CFTR: variants seen among roughly 807,000 people sequenced by gnomAD.
CFTR encodes the protein CF transmembrane conductance regulator, also known as cystic fibrosis transmembrane conductance regulator.
Under a neutral mutation model 171.6 loss-of-function variants are expected in CFTR, and 181 were observed. The observed-to-expected ratio is 1.05, with a 90% confidence interval of 0.93 to 1.19. CFTR has a LOEUF of 1.19. Ranked by LOEUF, CFTR falls within the 50% of genes most tolerant of loss-of-function variation. The probability of loss-of-function intolerance (pLI) is 0.00; values close to 1 mark genes in which losing one functional copy is unlikely to be tolerated. For missense variants in CFTR, 1,968 were observed against 1,734.7 expected (o/e 1.13, Z -2.39); for synonymous variants, 583 against 608.0 (o/e 0.96, Z 0.60).
At chr7:117,626,159 TC>T (rs1425211768) in intron 21 of CFTR, among the ~76,000 whole-genome samples, 1 of 152,048 alleles carries the variant, frequency 6.6e-6, no homozygotes, top group Non-Finnish European at 1.5e-5. Flanking sequence ...AAAAAGAACT[TC>T]ACAAACAGTG....
Position 117,603,527 on chromosome 7 carries a change from T to C in CFTR, c.2658-5T>C. On this transcript the variant is annotated splice_region_variant and splice_polypyrimidine_tract_variant and intron_variant, in intron 16 of 26. Transcript: ENST00000003084. ...CCAAATAACGATTTCCTATTTGCTT[T>C]ACAGCACTCCTCTTCAAGACAAAGG... is the stretch of plus-strand genomic sequence containing the variant. The C allele has an allele frequency of 1.9e-6, 3 of 1,613,896 alleles. No homozygotes were observed. The highest frequency in any genetic ancestry group is 2.5e-6 in the Non-Finnish European group (3 of 1,179,882).
intron 12 of CFTR, among the ~76,000 whole-genome samples, chr7:117,588,514 C>A (rs1388155786): frequency 6.6e-6 from 1 of 152,060 alleles, no homozygotes; most frequent in Non-Finnish European, 1.5e-5. Flanking sequence ...TTTATCTGAA[C>A]AAAATTCTTC....
intron 13 of CFTR, among the ~76,000 whole-genome samples, chr7:117,591,431 T>C (rs1792021948): frequency 6.6e-6 from 1 of 152,064 alleles, no homozygotes; most frequent in Non-Finnish European, 1.5e-5. Flanking sequence ...GTTGTTATTA[T>C]TGCTGTTTTA....
At chr7:117,641,028 T>C (rs972857678) in intron 22 of CFTR, among the ~76,000 whole-genome samples, 1 of 152,146 alleles carries the variant, frequency 6.6e-6, no homozygotes, top group Non-Finnish European at 1.5e-5. Flanking sequence ...AAAAAAGTAC[T>C]GATTGTGATT....
At chr7:117,543,194 A>T (rs1799086142) in intron 9 of CFTR, among the ~76,000 whole-genome samples, 1 of 152,168 alleles carries the variant, frequency 6.6e-6, no homozygotes, top group Admixed American at 6.5e-5. Context: ...TTAATGTCAT[A>T]CTTTGGATTC....
chr7:117,621,100 C>G (rs763373931), intron 21 of CFTR, among the ~76,000 whole-genome samples: 33 of 152,162 alleles, frequency 2.2e-4, no homozygotes, highest in South Asian at 6.2e-4. Context: ...GACTCCATCA[C>G]AAACAAAACA....
chr7:117,578,975 T>C (rs1170565580), intron 11 of CFTR, among the ~76,000 whole-genome samples: 1 of 152,120 alleles, frequency 6.6e-6, no homozygotes, highest in Non-Finnish European at 1.5e-5. Flanking sequence ...AAAGTTGCTA[T>C]TGAATATGTC....
chr7:117,549,076 T>G (rs1584793812), intron 10 of CFTR, among the ~76,000 whole-genome samples: 1 of 152,274 alleles, frequency 6.6e-6, no homozygotes, highest in African/African-American at 2.4e-5. Context: ...ACACTGTATC[T>G]TGCACATGGC....
intron 12 of CFTR, among the ~76,000 whole-genome samples, chr7:117,588,225 C>T (rs1791974922): frequency 6.6e-6 from 1 of 152,036 alleles, no homozygotes; most frequent in Non-Finnish European, 1.5e-5. Flanking sequence ...GATAAACATA[C>T]ATTTTCAAAA....
rs397508285 is a variant in CFTR at position 117,509,041 on chromosome 7, G to C, written c.172G>C (p.Asp58His). The change falls in exon 3 of 27, where the codon GAT becomes CAT. Residue 58 changes from aspartate (D) to histidine (H), a missense_variant. Coordinates refer to ENST00000003084, the MANE Select transcript of CFTR (RefSeq NM_000492.4). Reference sequence around the variant, plus strand: ...CTTTTTATTCTTTTGCAGAGAATGGGATAGAGAGCTGGCTTCAAAGAAAAA... The same window carrying C: ...CTTTTTATTCTTTTGCAGAGAATGGCATAGAGAGCTGGCTTCAAAGAAAAA... The part of the protein sequence containing the change: ...NLSEKLEREW[D>H]RELASKKNPK... The C allele has an allele frequency of 6.2e-7, 1 of 1,603,778 alleles. No individual in the cohort carries two copies. The highest frequency in any genetic ancestry group is 1.7e-5 in the Admixed American group (1 of 60,022).
chr7:117,503,896 T>C (rs1433577251), intron 1 of CFTR, among the ~76,000 whole-genome samples: 2 of 152,218 alleles, frequency 1.3e-5, no homozygotes, highest in Admixed American at 1.3e-4. Flanking sequence ...GAGGCTGGAC[T>C]TCAGTAATTT....
intron 11 of CFTR, among the ~76,000 whole-genome samples, chr7:117,576,711 C>T (rs1298744651): frequency 2.0e-5 from 3 of 152,070 alleles, no homozygotes; most frequent in African/African-American, 4.8e-5. Context: ...GGGCTAGGAT[C>T]GGTAAGACTG....
At chr7:117,603,469 A>G in intron 16 of CFTR, 63 bp from the exon 17 acceptor site, 2 of 1,586,990 alleles carry the variant, frequency 1.3e-6, no homozygotes, top group Non-Finnish European at 1.7e-6. Flanking sequence ...TTCCATTTAC[A>G]TGTATTGGAA....
intron 22 of CFTR, among the ~76,000 whole-genome samples, chr7:117,641,068 G>A (rs960249228): frequency 2.0e-5 from 3 of 152,116 alleles, no homozygotes; most frequent in African/African-American, 4.8e-5. Context: ...ACAGAGTATT[G>A]TACTTAACAT....
At chr7:117,542,691 G>C (rs1444925816) in intron 9 of CFTR, among the ~76,000 whole-genome samples, 1 of 152,168 alleles carries the variant, frequency 6.6e-6, no homozygotes, top group Non-Finnish European at 1.5e-5. Flanking sequence ...TTTTGGAGCT[G>C]GGTTTGAATC....
intron 20 of CFTR, among the ~76,000 whole-genome samples, chr7:117,613,397 A>G (rs1054746651): frequency 6.6e-6 from 1 of 152,160 alleles, no homozygotes; most frequent in African/African-American, 2.4e-5. Context: ...CCCTGGCTCA[A>G]TTGGTCTTCA....
intron 21 of CFTR, among the ~76,000 whole-genome samples, chr7:117,621,026 C>T (rs890476366): frequency 1.7e-4 from 26 of 152,082 alleles, no homozygotes; most frequent in East Asian, 9.7e-4. Flanking sequence ...CGATTGAACC[C>T]GGGAGATGGA....
chr7:117,587,037 A>G (rs1791946404), intron 11 of CFTR, among the ~76,000 whole-genome samples: 1 of 152,206 alleles, frequency 6.6e-6, no homozygotes, highest in Non-Finnish European at 1.5e-5. Context: ...CCTAGGAGTC[A>G]AGGACTATTT....
intron 3 of CFTR, among the ~76,000 whole-genome samples, chr7:117,510,246 C>T (rs1294896622): frequency 6.6e-6 from 1 of 152,000 alleles, no homozygotes; most frequent in African/African-American, 2.4e-5. Context: ...AATTAAATTA[C>T]TTTTAAGTTA....
Sources: gnomAD v4.1 joint callset for allele counts (sites outside exome capture counted in the v4.1 genomes callset) on GRCh38, gnomAD v4.1.1 for gene constraint, MANE v1.5 for transcripts, NCBI Gene and HGNC (gene_info 2026-07-23, HGNC 2026-07-21) for gene names.